The following CSMD1 variants were observed in gnomAD, a reference collection of about 807,000 sequenced individuals.
CSMD1 encodes CUB and Sushi multiple domains 1.
A neutral mutation model predicts 417.5 loss-of-function variants in CSMD1; 213 were observed. That is an observed-to-expected ratio of 0.51 (90% confidence interval 0.46 to 0.57). CSMD1 has a LOEUF of 0.57. Among genes scored for constraint, CSMD1 ranks in the 20% least tolerant of loss-of-function variants. The probability of loss-of-function intolerance (pLI) is 0.00; values close to 1 mark genes in which losing one functional copy is unlikely to be tolerated. For missense variants in CSMD1, 6,923 were observed against 4,529.7 expected (o/e 1.53, Z -15.17); for synonymous variants, 2,862 against 1,736.8 (o/e 1.65, Z -16.11).
At chr8:3,873,415 G>T (rs148093123) in intron 5 of CSMD1, among the ~76,000 whole-genome samples, 13 of 152,184 alleles carry the variant, frequency 8.5e-5, no homozygotes, top group African/African-American at 2.9e-4. Context: ...CACATGGATG[G>T]AACTGGAGGC....
chr8:3,869,938 G>C (rs933533263), intron 5 of CSMD1, among the ~76,000 whole-genome samples: 1 of 151,766 alleles, frequency 6.6e-6, no homozygotes, highest in Non-Finnish European at 1.5e-5. Flanking sequence ...GCAAAAGAGA[G>C]TGAGCTAGCT....
chr8:4,313,528 G>A (rs1483033713), intron 3 of CSMD1, among the ~76,000 whole-genome samples: 29 of 146,532 alleles, frequency 2.0e-4, no homozygotes, highest in East Asian at 4.0e-4. Flanking sequence ...AAAAAATCAC[G>A]CGTAGGTCAC....
intron 2 of CSMD1, among the ~76,000 whole-genome samples, chr8:4,482,972 G>C (rs997048033): frequency 6.6e-6 from 1 of 152,126 alleles, no homozygotes; most frequent in Non-Finnish European, 1.5e-5. Context: ...TGAAAATAGA[G>C]TAATGGAGTT....
At chr8:3,285,462 C>A (rs546010167) in intron 25 of CSMD1, among the ~76,000 whole-genome samples, 2 of 151,686 alleles carry the variant, frequency 1.3e-5, no homozygotes, top group Admixed American at 6.6e-5. Flanking sequence ...TCTTGGCTCA[C>A]TGCAACCTCT....
intron 1 of CSMD1, among the ~76,000 whole-genome samples, chr8:4,698,311 G>A (rs984256857): frequency 7.2e-5 from 11 of 152,062 alleles, no homozygotes; most frequent in African/African-American, 2.7e-4. Context: ...AGTTTTTGAT[G>A]AACAACGGCT....
intron 1 of CSMD1, among the ~76,000 whole-genome samples, chr8:4,951,508 G>A (rs866433664): frequency 1.3e-5 from 2 of 149,754 alleles, no homozygotes; most frequent in African/African-American, 2.5e-5. Context: ...AAGGGAAAGA[G>A]GAAGGATGGG....
At chr8:4,615,854 CT>C (rs1801444470) in intron 2 of CSMD1, among the ~76,000 whole-genome samples, 1 of 152,066 alleles carries the variant, frequency 6.6e-6, no homozygotes, top group South Asian at 2.1e-4. Context: ...ATATATTATT[CT>C]TTCAAAAGCA....
Position 4,394,727 on chromosome 8 carries a change from G to C in CSMD1, c.415+25226C>G, listed in dbSNP as rs117714370. Among the ~76,000 whole-genome samples, 17 of 152,276 alleles carry C rather than the reference G, an allele frequency of 1.1e-4. No individual in the cohort carries two copies. The East Asian group carries it at 3.3e-3, about 29-fold the overall frequency. On this transcript the variant is annotated intron_variant, in intron 3 of 69. Transcript: ENST00000635120. Reference sequence around the variant, plus strand: ...GCTTATCTGTTGCCCAGATCAAAGAGTGACATTTTCTCTTTTCCTGATCTT... The same window carrying C: ...GCTTATCTGTTGCCCAGATCAAAGACTGACATTTTCTCTTTTCCTGATCTT...
Position 4,676,837 on chromosome 8 carries a change from T to C in CSMD1, c.86-39279A>G, listed in dbSNP as rs543164085. Among the ~76,000 whole-genome samples the C allele has an allele frequency of 3.0e-4, 45 of 151,730 alleles. 1 individual carries two copies. The highest frequency in any genetic ancestry group is 1.1e-3 in the African/African-American group (44 of 41,418). ...TGGCTTTGAATGTTTTGTTCTTCTG[T>C]CCTGGAATTTTATATATTGAGAGAG... On this transcript the variant is annotated intron_variant, in intron 1 of 69. Transcript: ENST00000635120.
chr8:4,292,366 C>T (rs1334385857), intron 3 of CSMD1, among the ~76,000 whole-genome samples: 1 of 152,092 alleles, frequency 6.6e-6, no homozygotes, highest in East Asian at 1.9e-4. Context: ...CTTTCTCCTG[C>T]CTCAGCCTCC....
intron 6 of CSMD1, among the ~76,000 whole-genome samples, chr8:3,710,417 G>A (rs996636201): frequency 1.3e-5 from 2 of 152,150 alleles, no homozygotes; most frequent in African/African-American, 4.8e-5. Context: ...GACGATCAAT[G>A]CACCATCTTT....
intron 51 of CSMD1, among the ~76,000 whole-genome samples, chr8:3,023,825 G>C (rs950171740): frequency 1.3e-5 from 2 of 150,718 alleles, no homozygotes; most frequent in African/African-American, 4.9e-5. Context: ...CTTACAAGCA[G>C]GGCCACTCTA....
At chr8:3,597,312 C>T (rs1184578177) in intron 8 of CSMD1, among the ~76,000 whole-genome samples, 2 of 152,076 alleles carry the variant, frequency 1.3e-5, no homozygotes, top group Non-Finnish European at 2.9e-5. Flanking sequence ...GCACAGCTTC[C>T]CAGCACGTTT....
rs541284973 is a variant in CSMD1 at position 3,271,494 on chromosome 8, G to A, written c.4153+12650C>T. 1.8e-4 allele frequency among the ~76,000 whole-genome samples: 27 copies of A among 146,168 alleles called. 2 individuals carry two copies. The East Asian group carries it at 4.5e-3, about 24-fold the overall frequency. On this transcript the variant is annotated intron_variant, in intron 26 of 69. Coordinates refer to ENST00000635120, the MANE Select transcript of CSMD1 (RefSeq NM_033225.6). ...GTATTTCTAGTTCTAGATCCCTGAC[G>A]AATGTCCACACTGACTTCCACAATG...
intron 2 of CSMD1, among the ~76,000 whole-genome samples, chr8:4,447,860 G>C (rs928582392): frequency 6.6e-6 from 1 of 152,208 alleles, no homozygotes; most frequent in Non-Finnish European, 1.5e-5. Context: ...AAAAGTGTAA[G>C]TAGAGGAGGC....
intron 3 of CSMD1, among the ~76,000 whole-genome samples, chr8:4,201,919 G>A (rs12548693): frequency 0.015 from 2,258 of 146,594 alleles, 32 homozygotes; most frequent in Middle Eastern, 0.059. Flanking sequence ...CATTTGCCAT[G>A]CTCAATAGCA....
At chr8:4,826,314 T>A (rs139921618) in intron 1 of CSMD1, among the ~76,000 whole-genome samples, 162 of 152,204 alleles carry the variant, frequency 1.1e-3, no homozygotes, top group Non-Finnish European at 1.9e-3. Flanking sequence ...TATATATGTG[T>A]GTGTGTGTAT....
At chr8:3,051,440 T>C (rs973612430) in intron 50 of CSMD1, among the ~76,000 whole-genome samples, 3 of 152,118 alleles carry the variant, frequency 2.0e-5, no homozygotes, top group Non-Finnish European at 4.4e-5. Context: ...CTGGGGCCTA[T>C]GGGAGGGTGG....
At chr8:3,055,922 T>TAATC (rs1445652201) in intron 49 of CSMD1, among the ~76,000 whole-genome samples, 1 of 152,170 alleles carries the variant, frequency 6.6e-6, no homozygotes, top group Admixed American at 6.5e-5. Context: ...TGTCAAAAGG[T>TAATC]AATCAGGAGG....
Sources: gnomAD v4.1 joint callset for allele counts (sites outside exome capture counted in the v4.1 genomes callset) on GRCh38, gnomAD v4.1.1 for gene constraint, MANE v1.5 for transcripts, NCBI Gene and HGNC (gene_info 2026-07-23, HGNC 2026-07-21) for gene names.